Variants in ACOX3 observed in about 807,000 individuals in gnomAD.
The protein encoded by ACOX3 is acyl-CoA oxidase 3, pristanoyl, also known as peroxisomal acyl-coenzyme A oxidase 3.
In ACOX3, 73 loss-of-function variants were observed where a neutral mutation model predicts 81.5. The ratio of observed to expected loss-of-function variants is 0.90; its 90% CI spans 0.74 to 1.09. ACOX3 has a LOEUF of 1.09. ACOX3 is among the 50% of genes least tolerant of loss of function. The pLI is 0.00. For missense variants in ACOX3, 947 were observed against 928.0 expected, an observed-to-expected ratio of 1.02 and a Z score of -0.27; for synonymous variants, 387 against 375.1, an observed-to-expected ratio of 1.03 and a Z score of -0.37.
chr4:8,413,485 C>A (rs1722000886), intron 5 of ACOX3, among the ~76,000 whole-genome samples: 1 of 146,722 alleles, frequency 6.8e-6, no homozygotes, highest in Non-Finnish European at 1.5e-5. Flanking sequence ...CCATCTGTGG[C>A]CCATCTCCCT....
rs1158147342 is a variant in ACOX3, at chr4:8,385,799, A to G, written c.1537+3374T>C. On this transcript the variant is annotated intron_variant, in intron 13 of 17. Coordinates refer to ENST00000356406, the MANE Select transcript of ACOX3 (RefSeq NM_003501.3). The surrounding 1 kb of genome is among the most constrained non-coding windows in gnomAD (Gnocchi z 5.5). ...ATCACTTAAACAGCTTTTACCAAAG[A>G]TCCACATGACGCAGGCTGCAGTCAG... Among the ~76,000 whole-genome samples the G allele has an allele frequency of 6.6e-6, 1 of 152,230 alleles. No individual in the cohort carries two copies. The highest frequency in any genetic ancestry group is 2.4e-5 in the African/African-American group (1 of 41,454).
chr4:8,397,261 C>G, intron 8 of ACOX3, 142 bp from the exon 9 acceptor site: 2 of 764,044 alleles, frequency 2.6e-6, no homozygotes, highest in East Asian at 3.2e-5. Context: ...CCAGGGCGCC[C>G]AAGACACAGG....
At position 8,416,242 on chromosome 4, in the gene ACOX3, G is replaced by C. The variant is rs1463511522; in HGVS notation, c.144+136C>G. ...CCTGAGGCCTGTCCTGGGGTGCAGA[G>C]AGGAGAGAGGCCGCGCTGCCTGGGA... On this transcript the variant is annotated intron_variant, in intron 2 of 17. Coordinates refer to ENST00000356406, the MANE Select transcript of ACOX3 (RefSeq NM_003501.3). This position sits in a 1 kb window ranked among gnomAD's most constrained non-coding sequence, Gnocchi z 4.2. 2.8e-6 allele frequency: 4 copies of C among 1,427,748 alleles called. No individual in the cohort carries two copies. Among genetic ancestry groups the C allele is most frequent in the African/African-American group, 2.8e-5 (2 of 71,100 alleles). The allele number at this position is 1,427,748 out of a possible 1,614,324, so 88.4% of individuals were successfully genotyped here. A position where few individuals can be genotyped will look rare whatever the true frequency, so the allele number is the denominator to read the frequency against.
Position 8,414,472 on chromosome 4 carries a change from T to C in ACOX3, c.454-91A>G. The stretch of plus-strand genomic sequence containing the variant: ...CTCACTGCCATCTTTCCTTTAAAGA[T>C]GAAACCACATATCAAAGCCCCAAAT... On this transcript the variant is annotated intron_variant, in intron 4 of 17. Transcript: ENST00000356406. This position sits in a 1 kb window ranked among gnomAD's most constrained non-coding sequence, Gnocchi z 6.1. 8.5e-7 allele frequency: 1 copy of C among 1,176,320 alleles called. No homozygotes were observed. Among genetic ancestry groups the C allele is most frequent in the Non-Finnish European group, 1.3e-6 (1 of 796,680 alleles). The allele number at this position is 1,176,320 out of a possible 1,614,324, so 72.9% of individuals were successfully genotyped here.
At position 8,375,055 on chromosome 4, in the gene ACOX3, A is replaced by G; in HGVS notation, c.1751T>C (p.Leu584Pro). ...ACTGAGCCGCCCCAGCACGGCCCGC[A>G]GCGAGGGCGGCACGGAAGGCTGGTG... ...HVHQPSVPPS[L>P]RAVLGRLSAL... The change falls in exon 15 of 18, where the codon CTG (leucine) becomes CCG (proline). Residue 584 changes from leucine (L) to proline (P), a missense_variant. Transcript: ENST00000356406. 6.4e-7 allele frequency: 1 copy of G among 1,554,868 alleles called. No homozygotes were observed. Among genetic ancestry groups the G allele is most frequent in the African/African-American group, 1.4e-5 (1 of 73,794 alleles).
At chr4:8,422,342 G>A (rs13107329) in intron 1 of ACOX3, among the ~76,000 whole-genome samples, 24,590 of 152,100 alleles carry the variant, frequency 0.16, 2,064 homozygotes, top group South Asian at 0.26. Flanking sequence ...ATAATTGAAG[G>A]TCTTCTCTAT....
chr4:8,396,628 G>A lies in ACOX3; in HGVS notation c.1056+309C>T, dbSNP rs1324945596. On this transcript the variant is annotated intron_variant, in intron 9 of 17. Transcript: ENST00000356406. The stretch of plus-strand genomic sequence containing the variant: ...GGAGGCGGAGGTTGCAGTGAGCCAA[G>A]ATCATGCCCACTGCACTCCAGCCTT... Among the ~76,000 whole-genome samples the A allele has an allele frequency of 2.9e-5, 4 of 139,558 alleles. No homozygotes were observed. The South Asian group carries it at 7.1e-4, about 25-fold the overall frequency. The allele number at this position is 139,558 out of a possible 152,430, so 91.6% of individuals were successfully genotyped here.
intron 7 of ACOX3, among the ~76,000 whole-genome samples, chr4:8,401,711 G>T (rs1210177881): frequency 2.0e-5 from 3 of 152,160 alleles, no homozygotes; most frequent in East Asian, 1.9e-4. Context: ...CCATGAGGTG[G>T]TCCCACCTGC....
Position 8,431,131 on chromosome 4 carries a change from C to G in ACOX3, c.-15+9517G>C, listed in dbSNP as rs1369342276. 1.3e-5 allele frequency among the ~76,000 whole-genome samples: 2 copies of G among 152,202 alleles called. No homozygotes were observed. The highest frequency in any genetic ancestry group is 4.8e-5 in the African/African-American group (2 of 41,454). ...ACAAAATGACATGGAGAAAACAAAG[C>G]ACAGGTTTCCAGCCTTGGCCAGGTC... On this transcript the variant is annotated intron_variant, in intron 1 of 17. Coordinates refer to ENST00000356406, the MANE Select transcript of ACOX3 (RefSeq NM_003501.3). The surrounding 1 kb of genome is among the most constrained non-coding windows in gnomAD (Gnocchi z 5.3).
Position 8,368,652 on chromosome 4 carries a change from G to C in ACOX3, c.1984-1572C>G, listed in dbSNP as rs140946922. 3.3e-5 allele frequency among the ~76,000 whole-genome samples: 5 copies of C among 151,840 alleles called. No homozygotes were observed. In the East Asian group the frequency reaches 9.7e-4, roughly 29 times the overall value. On this transcript the variant is annotated intron_variant, in intron 17 of 17. Transcript: ENST00000356406. This position sits in a 1 kb window ranked among gnomAD's most constrained non-coding sequence, Gnocchi z 5.9. Reference sequence around the variant, plus strand: ...ATGGTCTCAACTCCCCTGCAGCTCTGTTTGTTCGCTTATAGTGAATTTCTC... The same window carrying C: ...ATGGTCTCAACTCCCCTGCAGCTCTCTTTGTTCGCTTATAGTGAATTTCTC...
At chr4:8,440,171 A>AC (rs11442245) in intron 1 of ACOX3, among the ~76,000 whole-genome samples, 151,653 of 152,362 alleles carry the variant, frequency 1, 75,479 homozygotes, top group Non-Finnish European at 1. Flanking sequence ...TTTCACGTGG[A>AC]CCCTTAAAGT....
In ACOX3 at chr4:8,437,627, C is replaced by T. The variant is rs1318560333; in HGVS notation, c.-15+3021G>A. Among the ~76,000 whole-genome samples, 5 of 152,156 alleles carry T rather than the reference C, an allele frequency of 3.3e-5. No homozygotes were observed. Among genetic ancestry groups the T allele is most frequent in the Non-Finnish European group, 7.3e-5 (5 of 68,036 alleles). On this transcript the variant is annotated intron_variant, in intron 1 of 17. Transcript: ENST00000356406. This position sits in a 1 kb window ranked among gnomAD's most constrained non-coding sequence, Gnocchi z 5.2. ...TTAGCAATGCGAGAGGACGTGGACA[C>T]GGATGTAGACGTGGAAGAAGTCAAG...
In ACOX3 at chr4:8,386,359, T is replaced by G. The variant is rs574098655; in HGVS notation, c.1537+2814A>C. 2.8e-4 allele frequency among the ~76,000 whole-genome samples: 43 copies of G among 151,858 alleles called. No homozygotes were observed. Among genetic ancestry groups the G allele is most frequent in the East Asian group, 5.8e-4 (3 of 5,150 alleles). ...AGGTGGGCGGATCACGAGGTCAGGA[T>G]ATCGAGACCATCCTGCCTAACACGG... On this transcript the variant is annotated intron_variant, in intron 13 of 17. Coordinates refer to ENST00000356406, the MANE Select transcript of ACOX3 (RefSeq NM_003501.3). This position sits in a 1 kb window ranked among gnomAD's most constrained non-coding sequence, Gnocchi z 5.2.
At position 8,394,202 on chromosome 4, in the gene ACOX3, G is replaced by C. The variant is rs1269337098; in HGVS notation, c.1179+418C>G. Among the ~76,000 whole-genome samples the C allele has an allele frequency of 3.3e-5, 5 of 152,176 alleles. No individual in the cohort carries two copies. Among genetic ancestry groups the C allele is most frequent in the Non-Finnish European group, 7.3e-5 (5 of 68,044 alleles). On this transcript the variant is annotated intron_variant, in intron 10 of 17. Coordinates refer to ENST00000356406, the MANE Select transcript of ACOX3 (RefSeq NM_003501.3). The surrounding 1 kb of genome is among the most constrained non-coding windows in gnomAD (Gnocchi z 5.9). The stretch of plus-strand genomic sequence containing the variant: ...CTCTTTATGCCGAGGCTGATCTCGG[G>C]ATTTGCACGCTCGTTTCTGGCACAA...
chr4:8,376,669 G>T (rs552554173), intron 14 of ACOX3, among the ~76,000 whole-genome samples: 3 of 152,108 alleles, frequency 2.0e-5, no homozygotes, highest in Non-Finnish European at 4.4e-5. Context: ...CCGTCCTGTC[G>T]GTGCCAGGAA....
chr4:8,428,578 C>G (rs1723747475), intron 1 of ACOX3: 1 of 152,306 alleles, frequency 6.6e-6, no homozygotes, highest in Non-Finnish European at 1.5e-5. Context: ...CCCGGGCGGG[C>G]TGGAAGCCAC....
chr4:8,415,035 C>T (rs1722168749), intron 3 of ACOX3, 107 bp from the exon 4 acceptor site: 2 of 1,009,182 alleles, frequency 2.0e-6, no homozygotes, highest in Non-Finnish European at 3.1e-6. Flanking sequence ...CACGCTGGTT[C>T]CCTGCCACAC....
rs970610023 is a variant in ACOX3 at position 8,414,397 on chromosome 4, C to T, written c.454-16G>A. 6.2e-7 allele frequency: 1 copy of T among 1,609,110 alleles called. No homozygotes were observed. Among genetic ancestry groups the T allele is most frequent in the Non-Finnish European group, 8.5e-7 (1 of 1,175,420 alleles). On this transcript the variant is annotated splice_polypyrimidine_tract_variant and intron_variant, in intron 4 of 17. Transcript: ENST00000356406. The surrounding 1 kb of genome is among the most constrained non-coding windows in gnomAD (Gnocchi z 6.1). ...ATCCAAAAATCTAAATGTCAAAGCA[C>T]AAAATGATGGAAAGCAAGAAAAGTT...
At position 8,370,640 on chromosome 4, in the gene ACOX3, T is replaced by G. The variant is rs62285998; in HGVS notation, c.1983+268A>C. The stretch of plus-strand genomic sequence containing the variant: ...TCACAGTGTGTGGACCTCCAACCTC[T>G]GCCTGTGCAGGCGGGCAGTGCCACC... On this transcript the variant is annotated intron_variant, in intron 17 of 17. Coordinates refer to ENST00000356406, the MANE Select transcript of ACOX3 (RefSeq NM_003501.3). This position sits in a 1 kb window ranked among gnomAD's most constrained non-coding sequence, Gnocchi z 6.3. 0.047 allele frequency among the ~76,000 whole-genome samples: 7,071 copies of G among 151,832 alleles called. 196 individuals are homozygous for G. The highest frequency in any genetic ancestry group is 0.077 in the South Asian group (372 of 4,806).
Sources: gnomAD v4.1 joint callset for allele counts (sites outside exome capture counted in the v4.1 genomes callset) on GRCh38, gnomAD v4.1.1 for gene constraint, Gnocchi (gnomAD v3.1) non-coding constraint, MANE v1.5 for transcripts, NCBI Gene and HGNC (gene_info 2026-07-23, HGNC 2026-07-21) for gene names.